ZNF483: variants seen among roughly 807,000 people sequenced by gnomAD.
ZNF483 encodes the protein zinc finger protein HIT-10.
Under a neutral mutation model 28.6 loss-of-function variants are expected in ZNF483, and 9 were observed. The ratio of observed to expected loss-of-function variants is 0.32; its 90% CI spans 0.19 to 0.55. The LOEUF is 0.55. Ranked by LOEUF, ZNF483 falls within the 20% of genes least tolerant of loss-of-function variation. The probability of loss-of-function intolerance (pLI) is 0.93; values close to 1 mark genes in which losing one functional copy is unlikely to be tolerated. For synonymous variants in ZNF483, 322 were observed against 306.2 expected (o/e 1.05, Z -0.54); for missense variants, 675 against 871.7 (o/e 0.77, Z 2.84).
At chr9:111,560,265 G>A (rs1828234303), downstream of ZNF483, among the ~76,000 whole-genome samples, 1 of 152,022 alleles carries the variant, frequency 6.6e-6, no homozygotes, top group Non-Finnish European at 1.5e-5. Context: ...TGGATCACGA[G>A]GTCAGGAGAT....
At chr9:111,526,416 G>A (rs898931987) in intron 1 of ZNF483, among the ~76,000 whole-genome samples, 1 of 152,138 alleles carries the variant, frequency 6.6e-6, no homozygotes, top group Non-Finnish European at 1.5e-5. Context: ...GTGAGGGACT[G>A]TAAGCCGGGG....
At chr9:111,528,363 A>G (rs1465068535) in intron 2 of ZNF483, among the ~76,000 whole-genome samples, 1 of 152,248 alleles carries the variant, frequency 6.6e-6, no homozygotes, top group Non-Finnish European at 1.5e-5. Context: ...TAACTATTTT[A>G]TAGTGCAGTT....
intron 3 of ZNF483, among the ~76,000 whole-genome samples, chr9:111,532,761 T>C (rs1827380966): frequency 6.6e-6 from 1 of 152,068 alleles, no homozygotes; most frequent in Non-Finnish European, 1.5e-5. Context: ...TTTCAAAAAT[T>C]AGCTGGGTGC....
At position 111,539,968 on chromosome 9, in the gene ZNF483, G is replaced by T. The variant is rs938609898; in HGVS notation, c.722-1689G>T. ...CGCGCAGGGAGACCCCATCTCTACA[G>T]ATAATTTTTTAGAATTAGCCAGGTA... is the stretch of plus-strand genomic sequence containing the variant. On this transcript the variant is annotated intron_variant, in intron 5 of 5. Transcript: ENST00000309235. 6.6e-5 allele frequency among the ~76,000 whole-genome samples: 10 copies of T among 152,070 alleles called. No individual in the cohort carries two copies. In the East Asian group the frequency reaches 1.9e-3, roughly 29 times the overall value.
At chr9:111,561,511 C>T (rs1489647179) in intron 5 of ZNF483, among the ~76,000 whole-genome samples, 1 of 152,152 alleles carries the variant, frequency 6.6e-6, no homozygotes, top group East Asian at 1.9e-4. Context: ...ATGATCTCAC[C>T]TTAGCCTCCC....
chr9:111,540,899 C>T (rs528143729), intron 5 of ZNF483, among the ~76,000 whole-genome samples: 1 of 152,184 alleles, frequency 6.6e-6, no homozygotes, highest in South Asian at 2.1e-4. Flanking sequence ...GTTGTCACAT[C>T]CATAAAACCG....
At chr9:111,539,678 G>A (rs896602437) in intron 5 of ZNF483, 4 of 217,542 alleles carry the variant, frequency 1.8e-5, no homozygotes, top group East Asian at 1.4e-4. Context: ...CAGGAGAATC[G>A]CTTGAACCTG....
At chr9:111,571,539 T>C (rs1407604321) in intron 5 of ZNF483, among the ~76,000 whole-genome samples, 1 of 150,750 alleles carries the variant, frequency 6.6e-6, no homozygotes, top group Non-Finnish European at 1.5e-5. Flanking sequence ...AGTAAAGTGG[T>C]GCCATCACTG....
At position 111,553,247 on chromosome 9, in the gene ZNF483, TTCA is replaced by T. The variant is rs1287728743; in HGVS notation, c.*10082_*10084del. Among the ~76,000 whole-genome samples the T allele has an allele frequency of 6.6e-6, 1 of 152,236 alleles. No homozygotes were observed. Among genetic ancestry groups the T allele is most frequent in the Non-Finnish European group, 1.5e-5 (1 of 68,034 alleles). ...CTGCTGCAGTAAATTGCAATTGCCATTCATCATTAAATGTGCACTATACTGTCT... is the reference window on the plus strand; with the variant it reads ...CTGCTGCAGTAAATTGCAATTGCCATTCATTAAATGTGCACTATACTGTCT... On this transcript the variant is annotated 3_prime_UTR_variant, in exon 6 of 6. Transcript: ENST00000309235.
At position 111,551,281 on chromosome 9, in the gene ZNF483, C is replaced by T. The variant is rs574640678; in HGVS notation, c.*8111C>T. On this transcript the variant is annotated 3_prime_UTR_variant, in exon 6 of 6. Coordinates refer to ENST00000309235, the MANE Select transcript of ZNF483 (RefSeq NM_133464.5). ...ATTTTCATTTGTAATACATAACTCACATTTAGATTTATAAAACGTAGAGTT... is the reference window on the plus strand; with the variant it reads ...ATTTTCATTTGTAATACATAACTCATATTTAGATTTATAAAACGTAGAGTT... 6.6e-6 allele frequency among the ~76,000 whole-genome samples: 1 copy of T among 151,504 alleles called. No homozygotes were observed. Among genetic ancestry groups the T allele is most frequent in the Non-Finnish European group, 1.5e-5 (1 of 67,926 alleles).
At position 111,547,011 on chromosome 9, in the gene ZNF483, C is replaced by G. The variant is rs1025054568; in HGVS notation, c.*3841C>G. 1.3e-5 allele frequency among the ~76,000 whole-genome samples: 2 copies of G among 152,160 alleles called. No homozygotes were observed. Among genetic ancestry groups the G allele is most frequent in the African/African-American group, 2.4e-5 (1 of 41,456 alleles). On this transcript the variant is annotated 3_prime_UTR_variant, in exon 6 of 6. Transcript: ENST00000309235. ...GGTTCGGCCGTGTTGTAGCACATAT[C>G]AGAATTTAATTCCTTTTTAAGGCTG...
chr9:111,575,603 G>C (rs1336827727), intron 5 of ZNF483, among the ~76,000 whole-genome samples: 1 of 152,194 alleles, frequency 6.6e-6, no homozygotes, highest in Non-Finnish European at 1.5e-5. Context: ...CTTACATTTA[G>C]GATCAATTGG....
chr9:111,561,485 A>G (rs1464564654), intron 5 of ZNF483, among the ~76,000 whole-genome samples: 1 of 152,070 alleles, frequency 6.6e-6, no homozygotes, highest in Non-Finnish European at 1.5e-5. Flanking sequence ...GTCTGGTCTC[A>G]AACTCCTGGA....
chr9:111,570,135 C>T, intron 5 of ZNF483: 5 of 1,614,094 alleles, frequency 3.1e-6, no homozygotes, highest in Non-Finnish European at 4.2e-6. Flanking sequence ...TTTTGGCGGG[C>T]ATCTCCTTGC....
intron 5 of ZNF483, among the ~76,000 whole-genome samples, chr9:111,565,489 A>C (rs1012502857): frequency 2.6e-5 from 4 of 152,206 alleles, no homozygotes; most frequent in African/African-American, 4.8e-5. Flanking sequence ...TCTCTGTACT[A>C]TCTTCCCAAT....
chr9:111,526,318 C>T (rs995130657), intron 1 of ZNF483, among the ~76,000 whole-genome samples: 1 of 152,060 alleles, frequency 6.6e-6, no homozygotes, highest in Non-Finnish European at 1.5e-5. Flanking sequence ...AGCTAGAGCT[C>T]AAGAGGTGAG....
In ZNF483 at chr9:111,544,358, G is replaced by GTA; in HGVS notation, c.*1189_*1190insAT. 1 of 983,634 alleles carries GTA rather than the reference G, an allele frequency of 1.0e-6. No homozygotes were observed. The highest frequency in any genetic ancestry group is 1.2e-6 in the Non-Finnish European group (1 of 828,460). The allele number at this position is 983,634 out of a possible 1,614,324, so 60.9% of individuals were successfully genotyped here. A position where few individuals can be genotyped will look rare whatever the true frequency, so the allele number is the denominator to read the frequency against. ...CTTGGGTGTGTGTGCATGTGTGTGTGTGTGTGTGTGTGTGTATACATTGTT... is the reference window on the plus strand; with the variant it reads ...CTTGGGTGTGTGTGCATGTGTGTGTGTATGTGTGTGTGTGTGTATACATTGTT... On this transcript the variant is annotated 3_prime_UTR_variant, in exon 6 of 6. Coordinates refer to ENST00000309235, the MANE Select transcript of ZNF483 (RefSeq NM_133464.5).
At chr9:111,560,073 T>C (rs1412040262), downstream of ZNF483, among the ~76,000 whole-genome samples, 1 of 150,814 alleles carries the variant, frequency 6.6e-6, no homozygotes, top group Non-Finnish European at 1.5e-5. Flanking sequence ...TGGTGGCTTA[T>C]GCCTCCCAAA....
chr9:111,545,850 A>G lies in ZNF483; in HGVS notation c.*2680A>G, dbSNP rs1404729200. 6.6e-6 allele frequency among the ~76,000 whole-genome samples: 1 copy of G among 152,196 alleles called. No individual in the cohort carries two copies. On this transcript the variant is annotated 3_prime_UTR_variant, in exon 6 of 6. Coordinates refer to ENST00000309235, the MANE Select transcript of ZNF483 (RefSeq NM_133464.5). ...GAATAATGCTGCTTTGAACATTGGT[A>G]TGCAAGTGTTTTGAACGTTAGTGTA...
Sources: gnomAD v4.1 joint callset for allele counts (sites outside exome capture counted in the v4.1 genomes callset) on GRCh38, gnomAD v4.1.1 for gene constraint, MANE v1.5 for transcripts, NCBI Gene and HGNC (gene_info 2026-07-23, HGNC 2026-07-21) for gene names.